Variants in ZNF287 observed in about 807,000 individuals in gnomAD.
ZNF287 encodes zinc finger protein with KRAB and SCAN domains 13.
ZNF287 carries 31 observed loss-of-function variants against 73.7 expected under a neutral mutation model. The observed-to-expected ratio is 0.42, with a 90% CI of 0.32 to 0.57. The LOEUF (loss-of-function observed/expected upper bound fraction) is 0.57, where lower values mean the gene tolerates loss of function less well. Among genes scored for constraint, ZNF287 ranks in the 20% least tolerant of loss-of-function variants. ZNF287 has a pLI of 0.13. For synonymous variants in ZNF287, 301 were observed against 307.2 expected, an observed-to-expected ratio of 0.98 and a Z score of 0.21; for missense variants, 641 against 909.3, an observed-to-expected ratio of 0.70 and a Z score of 3.79.
chr17:16,559,695 C>A (rs1907300073), intron 5 of ZNF287, among the ~76,000 whole-genome samples: 1 of 152,080 alleles, frequency 6.6e-6, no homozygotes, highest in Non-Finnish European at 1.5e-5. Context: ...GTACCATTCC[C>A]TACTAAAATG....
At position 16,549,360 on chromosome 17, in the gene ZNF287, A is replaced by G. The variant is rs1436626336; in HGVS notation, c.*2496T>C. ...TGCATTATTTACATAAAACATACAAAGGCAGGAAATAACAGAGTAATGCAA... is the reference window on the plus strand; with the variant it reads ...TGCATTATTTACATAAAACATACAAGGGCAGGAAATAACAGAGTAATGCAA... On this transcript the variant is annotated 3_prime_UTR_variant, in exon 6 of 6. Transcript: ENST00000395825. 1.4e-5 allele frequency among the ~76,000 whole-genome samples: 2 copies of G among 147,108 alleles called. No individual in the cohort carries two copies. The highest frequency in any genetic ancestry group is 3.4e-3 in the Middle Eastern group (1 of 294).
At chr17:16,565,081 G>A (rs1262692902) in intron 3 of ZNF287, among the ~76,000 whole-genome samples, 2 of 151,818 alleles carry the variant, frequency 1.3e-5, no homozygotes, top group East Asian at 3.9e-4. Context: ...GAGGCCAGGC[G>A]CAGTGGCTCA....
At chr17:16,559,265 T>C (rs905238471) in intron 5 of ZNF287, 2 of 152,024 alleles carry the variant, frequency 1.3e-5, no homozygotes, top group Admixed American at 1.3e-4. Flanking sequence ...AAAATGTAAA[T>C]TAAAAATAAT....
In ZNF287 at chr17:16,550,724, G is replaced by A. The variant is rs1906594696; in HGVS notation, c.*1132C>T. ...GATCCAATTAGGAAGTTTGGGACCT[G>A]AGCATAGTAGACACTCAAGAAACGT... is the stretch of plus-strand genomic sequence containing the variant. On this transcript the variant is annotated 3_prime_UTR_variant, in exon 6 of 6. Coordinates refer to ENST00000395825, the MANE Select transcript of ZNF287 (RefSeq NM_020653.4). 6.6e-6 allele frequency among the ~76,000 whole-genome samples: 1 copy of A among 152,138 alleles called. No homozygotes were observed.
rs1051276468 is a variant in ZNF287, at chr17:16,550,500, T to C, written c.*1356A>G. On this transcript the variant is annotated 3_prime_UTR_variant, in exon 6 of 6. Coordinates refer to ENST00000395825, the MANE Select transcript of ZNF287 (RefSeq NM_020653.4). Reference sequence around the variant, plus strand: ...GAATTCAGATCTATTTTCCATTTTTTTCTCACATTATTTATATAGCTACAC... The same window carrying C: ...GAATTCAGATCTATTTTCCATTTTTCTCTCACATTATTTATATAGCTACAC... Among the ~76,000 whole-genome samples, 3 of 152,216 alleles carry C rather than the reference T, an allele frequency of 2.0e-5. No individual in the cohort carries two copies. Among genetic ancestry groups the C allele is most frequent in the African/African-American group, 7.2e-5 (3 of 41,454 alleles).
intron 5 of ZNF287, among the ~76,000 whole-genome samples, chr17:16,557,406 A>G (rs1225432418): frequency 6.6e-6 from 1 of 152,146 alleles, no homozygotes; most frequent in Non-Finnish European, 1.5e-5. Context: ...ATAAAGAACA[A>G]TAAACCATAA....
chr17:16,552,023 T>C lies in ZNF287; in HGVS notation c.2119A>G (p.Asn707Asp). Reference sequence around the variant, plus strand: ...TGGCTAAAATCCTTATCACATTCATTACATTTATAGGGTCTCTCTCCAGTA... The same window carrying C: ...TGGCTAAAATCCTTATCACATTCATCACATTTATAGGGTCTCTCTCCAGTA... ...THTGERPYKC[N>D]ECDKDFSQRT... Residue 707 changes from asparagine (N) to aspartate (D), a missense_variant, in exon 6 of 6, where the codon AAT becomes GAT. By Grantham distance (23) the Asn-to-Asp change is conservative (BLOSUM62 1). This residue lies in a region of ZNF287 where 284 missense variants were observed against 466.8 expected (regional missense o/e 0.61). Transcript: ENST00000395825. This position sits in a 1 kb window ranked among gnomAD's most constrained non-coding sequence, Gnocchi z 6.5. The C allele has an allele frequency of 6.2e-7, 1 of 1,614,148 alleles. No homozygotes were observed. Among genetic ancestry groups the C allele is most frequent in the Non-Finnish European group, 8.5e-7 (1 of 1,179,984 alleles).
Position 16,566,619 on chromosome 17 carries a change from G to T in ZNF287, c.407C>A (p.Pro136His). Reference sequence around the variant, plus strand: ...ATCTTGGGAAAGGGTAGAGTTTTGAGGAGCTAGAGAAGAGAAAGAGGTCAT... The same window carrying T: ...ATCTTGGGAAAGGGTAGAGTTTTGATGAGCTAGAGAAGAGAAAGAGGTCAT... Reference protein sequence around the residue: ...DLTQILEEEAPQNSTLSQDTP... With the variant: ...DLTQILEEEAHQNSTLSQDTP... Residue 136 changes from proline (P) to histidine (H), a missense_variant, in exon 3 of 6, where the codon CCT (proline) becomes CAT (histidine). Around this residue, in one of 2 missense-constraint regions of ZNF287, gnomAD observed 357 missense variants for 442.4 expected, o/e 0.81. Coordinates refer to ENST00000395825, the MANE Select transcript of ZNF287 (RefSeq NM_020653.4). 3 of 1,610,710 alleles carry T rather than the reference G, an allele frequency of 1.9e-6. No homozygotes were observed. Among genetic ancestry groups the T allele is most frequent in the Non-Finnish European group, 2.5e-6 (3 of 1,178,400 alleles).
chr17:16,558,009 T>A (rs1406014436), intron 5 of ZNF287: 2 of 152,154 alleles, frequency 1.3e-5, no homozygotes, highest in Non-Finnish European at 2.9e-5. Flanking sequence ...CTCCTCATGT[T>A]GAGAAGTTAA....
intron 3 of ZNF287, among the ~76,000 whole-genome samples, chr17:16,564,607 T>A (rs1175174062): frequency 6.6e-6 from 1 of 152,214 alleles, no homozygotes; most frequent in African/African-American, 2.4e-5. Context: ...TTAAGATATT[T>A]TTATGTGTTC....
intron 5 of ZNF287, among the ~76,000 whole-genome samples, chr17:16,560,558 C>T (rs1184649200): frequency 1.3e-5 from 2 of 151,402 alleles, no homozygotes; most frequent in Admixed American, 6.6e-5. Flanking sequence ...CTGTGTTGGC[C>T]AGGCTGGTCT....
intron 5 of ZNF287, among the ~76,000 whole-genome samples, chr17:16,560,308 G>GTATATA (rs1491315982): frequency 1.3e-3 from 184 of 137,360 alleles, no homozygotes; most frequent in African/African-American, 4.7e-3. Flanking sequence ...GTCAACAGTG[G>GTATATA]TGTATATATA....
chr17:16,551,877 T>C lies in ZNF287; in HGVS notation c.2265A>G (p.Thr755=). ...TNLIQHQRVH[T]GAKHRN ...TCCATTAATTACGATGTTTGGCACC[T>C]GTATGAACACGTTGATGCTGAATAA... The change falls in exon 6 of 6, where the codon ACA becomes ACG. Residue 755 remains threonine (T), a synonymous_variant. Coordinates refer to ENST00000395825, the MANE Select transcript of ZNF287 (RefSeq NM_020653.4). The C allele has an allele frequency of 1.9e-6, 3 of 1,592,794 alleles. No individual in the cohort carries two copies. Among genetic ancestry groups the C allele is most frequent in the Non-Finnish European group, 2.6e-6 (3 of 1,168,328 alleles).
rs183645879 is a variant in ZNF287 at position 16,550,548 on chromosome 17, T to C, written c.*1308A>G. Among the ~76,000 whole-genome samples, 3 of 152,344 alleles carry C rather than the reference T, an allele frequency of 2.0e-5. No homozygotes were observed. Among genetic ancestry groups the C allele is most frequent in the Admixed American group, 2.0e-4 (3 of 15,294 alleles). ...CACTATCACTTCCACTTCCTTCTCT[T>C]GGGATATAGGTAGCATTTGGCAACC... On this transcript the variant is annotated 3_prime_UTR_variant, in exon 6 of 6. Coordinates refer to ENST00000395825, the MANE Select transcript of ZNF287 (RefSeq NM_020653.4).
intron 5 of ZNF287, among the ~76,000 whole-genome samples, chr17:16,560,988 C>A (rs1377264165): frequency 1.4e-5 from 2 of 145,904 alleles, no homozygotes; most frequent in East Asian, 4.2e-4. Context: ...GAGCAACAGA[C>A]CGAGACTCCG....
At chr17:16,560,420 G>T (rs1286527980) in intron 5 of ZNF287, among the ~76,000 whole-genome samples, 2 of 150,274 alleles carry the variant, frequency 1.3e-5, no homozygotes, top group African/African-American at 4.9e-5. Flanking sequence ...CACAATCTTG[G>T]CTCACTGCAA....
Position 16,551,988 on chromosome 17 carries a change from G to T in ZNF287, c.2154C>A (p.Cys718Ter), listed in dbSNP as rs1422116154. 2.5e-6 allele frequency: 4 copies of T among 1,614,048 alleles called. No individual in the cohort carries two copies. The highest frequency in any genetic ancestry group is 3.4e-6 in the Non-Finnish European group (4 of 1,179,984). ...ECDKDFSQRT[C>*]LIQHQRIHTG... ...TGTGAATTCTCTGGTGTTGAATAAG[G>T]CATGTTCTCTGGCTAAAATCCTTAT... The change falls in exon 6 of 6, where the codon TGC becomes TGA. Residue 718 changes from cysteine (C) to a stop codon, truncating the protein, a stop_gained. Coordinates refer to ENST00000395825, the MANE Select transcript of ZNF287 (RefSeq NM_020653.4). LOFTEE classifies it high-confidence loss of function.
In ZNF287 at chr17:16,550,242, ATC is replaced by A. The variant is rs559450416; in HGVS notation, c.*1612_*1613del. On this transcript the variant is annotated 3_prime_UTR_variant, in exon 6 of 6. Coordinates refer to ENST00000395825, the MANE Select transcript of ZNF287 (RefSeq NM_020653.4). ...ATTTTTTCCTGACATGTTAAGAGTAATCTCTGTTTTACTTGTATGTATGAAGG... is the reference window on the plus strand; with the variant it reads ...ATTTTTTCCTGACATGTTAAGAGTAATCTGTTTTACTTGTATGTATGAAGG... Among the ~76,000 whole-genome samples, 196 of 152,276 alleles carry A rather than the reference ATC, an allele frequency of 1.3e-3. 2 individuals are homozygous for A. Among genetic ancestry groups the A allele is most frequent in the Non-Finnish European group, 7.2e-4 (49 of 68,010 alleles).
At chr17:16,559,086 TA>T (rs1425484703) in intron 5 of ZNF287, 2 of 151,946 alleles carry the variant, frequency 1.3e-5, no homozygotes. Context: ...AAGAAGATAA[TA>T]TATTAATAAT....
Sources: gnomAD v4.1 joint callset for allele counts (sites outside exome capture counted in the v4.1 genomes callset) on GRCh38, gnomAD v4.1.1 for gene constraint, gnomAD v4.1.1 regional missense constraint, Gnocchi (gnomAD v3.1) non-coding constraint, MANE v1.5 for transcripts, NCBI Gene and HGNC (gene_info 2026-07-23, HGNC 2026-07-21) for gene names.